Variants in MYSM1 observed in about 807,000 individuals in gnomAD.
MYSM1 encodes Myb like, SWIRM and MPN domains 1.
MYSM1 carries 51 observed loss-of-function variants against 116.0 expected under a neutral mutation model. That is an observed-to-expected ratio of 0.44 (90% confidence interval 0.35 to 0.56). The LOEUF (loss-of-function observed/expected upper bound fraction) is 0.56. MYSM1 is among the 20% of genes least tolerant of loss of function. The pLI is 0.00. For missense variants in MYSM1, 900 were observed against 974.9 expected (o/e 0.92, Z 1.02); for synonymous variants, 313 against 315.2 (o/e 0.99, Z 0.07).
chr1:58,692,220 C>G (rs1309112694), intron 3 of MYSM1, among the ~76,000 whole-genome samples: 1 of 152,136 alleles, frequency 6.6e-6, no homozygotes, highest in African/African-American at 2.4e-5. Context: ...CAGAGAAATT[C>G]TGGCTTAGTA....
intron 11 of MYSM1, among the ~76,000 whole-genome samples, chr1:58,673,212 CAT>C (rs10533497): frequency 0.18 from 27,810 of 152,104 alleles, 2,824 homozygotes; most frequent in South Asian, 0.28. Context: ...ATTTAGAACA[CAT>C]GTGTGTCTAA....
At chr1:58,663,144 C>A (rs572874983) in intron 17 of MYSM1, among the ~76,000 whole-genome samples, 1 of 152,080 alleles carries the variant, frequency 6.6e-6, no homozygotes, top group East Asian at 1.9e-4. Flanking sequence ...GGATCTGAAT[C>A]CAGTAGAGTG....
intron 2 of MYSM1, 148 bp downstream of exon 2, chr1:58,694,981 T>TA (rs901979179): frequency 2.7e-4 from 113 of 411,120 alleles, no homozygotes; most frequent in Middle Eastern, 1.4e-3. Flanking sequence ...ATTTTTAAAG[T>TA]AAAAAAAAAT....
intron 12 of MYSM1, among the ~76,000 whole-genome samples, chr1:58,669,696 C>G (rs1398961172): frequency 6.6e-6 from 1 of 151,700 alleles, no homozygotes; most frequent in Non-Finnish European, 1.5e-5. Flanking sequence ...AGCGTGGTGG[C>G]GTGTGCCTGT....
chr1:58,682,627 TAC>T, intron 7 of MYSM1, 82 bp from the exon 8 acceptor site: 2 of 1,279,356 alleles, frequency 1.6e-6, no homozygotes, highest in Non-Finnish European at 2.1e-6. Context: ...AGGATAAATA[TAC>T]AGTGTTATTA....
At chr1:58,669,857 A>AAAAC (rs1553135840) in intron 12 of MYSM1, among the ~76,000 whole-genome samples, 1,299 of 86,054 alleles carry the variant, frequency 0.015, 303 homozygotes, top group African/African-American at 0.027. Flanking sequence ...AAAAAAAAAA[A>AAAAC]AAAAACAAAA....
intron 12 of MYSM1, among the ~76,000 whole-genome samples, chr1:58,669,444 G>A (rs1180375133): frequency 6.6e-6 from 1 of 152,136 alleles, no homozygotes; most frequent in Non-Finnish European, 1.5e-5. Context: ...GCCCACTATA[G>A]AATAGGAACT....
chr1:58,667,902 G>A lies in MYSM1; in HGVS notation c.1787C>T (p.Ala596Val). 1 of 1,612,026 alleles carries A rather than the reference G, an allele frequency of 6.2e-7. No homozygotes were observed. The highest frequency in any genetic ancestry group is 8.5e-7 in the Non-Finnish European group (1 of 1,178,352). The change falls in exon 15 of 20, where the codon GCA (alanine) becomes GTA (valine). Residue 596 changes from alanine to valine, a missense_variant. By Grantham distance (64) the Ala-to-Val change is moderately conservative (BLOSUM62 0). This residue lies in a region of MYSM1 where 92 missense variants were observed against 155.0 expected (regional missense o/e 0.59). Transcript: ENST00000472487. ...IMDLHAHVSM[A>V]EVIGLLGGRY... ...TCCTCCTAACAGACCAATCACTTCTGCCATAGAAACATGAGCATGCTAAAA... is the reference window on the plus strand; with the variant it reads ...TCCTCCTAACAGACCAATCACTTCTACCATAGAAACATGAGCATGCTAAAA...
rs1644762939 is a variant in MYSM1 at position 58,682,590 on chromosome 1, A to C, written c.499-45T>G. 2.7e-6 allele frequency: 4 copies of C among 1,476,744 alleles called. No individual in the cohort carries two copies. In the African/African-American group the frequency reaches 5.7e-5, roughly 21 times the overall value. 91.5% of individuals were successfully genotyped at this position (1,476,744 alleles called of 1,614,324 possible). A position where few individuals can be genotyped will look rare whatever the true frequency, so the allele number is the denominator to read the frequency against. The stretch of plus-strand genomic sequence containing the variant: ...AAATCCCCATAATATTAAGATTTAA[A>C]AATTTAATCACTGGTACACACAAAA... On this transcript the variant is annotated intron_variant, in intron 7 of 19. Transcript: ENST00000472487.
At chr1:58,682,602 T>C (rs1644763159) in intron 7 of MYSM1, 57 bp from the exon 8 acceptor site, 5 of 1,423,532 alleles carry the variant, frequency 3.5e-6, no homozygotes, top group Admixed American at 2.6e-5. Context: ...ATTTAATCAC[T>C]GGTACACACA....
chr1:58,689,301 C>G (rs1644871384), intron 5 of MYSM1, 185 bp from the exon 6 acceptor site: 1 of 526,778 alleles, frequency 1.9e-6, no homozygotes, highest in Admixed American at 3.8e-5. Context: ...TACCCTGTCA[C>G]GTGTCTCTAG....
chr1:58,682,850 C>T (rs1438749288), intron 7 of MYSM1, among the ~76,000 whole-genome samples: 1 of 152,036 alleles, frequency 6.6e-6, no homozygotes, highest in Non-Finnish European at 1.5e-5. Flanking sequence ...CGCCTGCCAC[C>T]GTGCCCGGCT....
chr1:58,687,697 C>T (rs966202545), intron 6 of MYSM1, among the ~76,000 whole-genome samples: 2 of 152,152 alleles, frequency 1.3e-5, no homozygotes, highest in African/African-American at 4.8e-5. Flanking sequence ...GTCCAAAAAA[C>T]ACCTGAACAC....
At chr1:58,665,681 G>T in intron 16 of MYSM1, 50 bp from the exon 17 acceptor site, 1 of 1,255,086 alleles carries the variant, frequency 8.0e-7, no homozygotes, top group Non-Finnish European at 1.1e-6. Context: ...AAATTCAAAA[G>T]CCAATATTTA....
At position 58,681,861 on chromosome 1, in the gene MYSM1, G is replaced by T. The variant is rs753619199; in HGVS notation, c.1183C>A (p.Pro395Thr). The T allele has an allele frequency of 1.9e-6, 3 of 1,612,994 alleles. No individual in the cohort carries two copies. The South Asian group carries it at 3.3e-5, about 18-fold the overall frequency. The change falls in exon 8 of 20, where the codon CCT (proline) becomes ACT (threonine). Residue 395 changes from proline to threonine, a missense_variant. By Grantham distance (38) the Pro-to-Thr change is conservative. This residue lies in a region of MYSM1 where 622 missense variants were observed against 623.7 expected (regional missense o/e 1.00). Coordinates refer to ENST00000472487, the MANE Select transcript of MYSM1 (RefSeq NM_001085487.3). The part of the protein sequence containing the change: ...IIQEEEKQAI[P>T]EFFEGRQAKT... ...GCTTGGCGCCCCTCAAAAAACTCAG[G>T]AATTGCTTGTTTTTCTTCTTCTTGA...
intron 16 of MYSM1, 65 bp from the exon 17 acceptor site, chr1:58,665,696 T>C: frequency 1.8e-6 from 2 of 1,124,854 alleles, no homozygotes; most frequent in African/African-American, 1.6e-5. Context: ...TATTTATCCA[T>C]ACTAACATTT....
rs1478140543 is a variant in MYSM1 at position 58,675,592 on chromosome 1, C to G, written c.1391-12G>C. The G allele has an allele frequency of 1.2e-6, 2 of 1,601,456 alleles. No homozygotes were observed. The highest frequency in any genetic ancestry group is 3.4e-5 in the Admixed American group (2 of 59,628). ...ATACACAGCCTGTTCTATTGGAATT[C>G]AGGAAAGATAAAACCATCTATTATT... On this transcript the variant is annotated splice_polypyrimidine_tract_variant and intron_variant, in intron 9 of 19. Transcript: ENST00000472487.
In MYSM1 at chr1:58,673,649, C is replaced by T. The variant is rs199719141; in HGVS notation, c.1496G>A (p.Arg499His). Residue 499 changes from arginine to histidine, a missense_variant and splice_region_variant, in exon 11 of 20, where the codon CGT (arginine) becomes CAT (histidine). Arg to His is a conservative substitution (Grantham distance 29). Transcript: ENST00000472487. ...GTCTCGGACCCTACGTCTCCTTGTACGCTGCGATGAGATTAAAGTAAAGCA... is the reference window on the plus strand; with the variant it reads ...GTCTCGGACCCTACGTCTCCTTGTATGCTGCGATGAGATTAAAGTAAAGCA... ...YQLAQRLQSM[R>H]TRRRRVRDPW... is the part of the protein sequence containing the mutation. The T allele has an allele frequency of 1.3e-5, 21 of 1,613,530 alleles. No homozygotes were observed. The highest frequency in any genetic ancestry group is 5.0e-5 in the Admixed American group (3 of 60,000).
chr1:58,681,912 C>T lies in MYSM1; in HGVS notation c.1132G>A (p.Glu378Lys). ...ATGATATTTCTATCTATTTCTATTT[C>T]CTGTTCTGGTGGCTTAAGCTCTTCT... The part of the protein sequence containing the change: ...EEEELKPPEQ[E>K]IEIDRNIIQE... The change falls in exon 8 of 20, where the codon GAA becomes AAA. Residue 378 changes from glutamate (E) to lysine (K), a missense_variant. By Grantham distance (56) the Glu-to-Lys change is moderately conservative. Transcript: ENST00000472487. The T allele has an allele frequency of 1.2e-6, 2 of 1,613,952 alleles. No individual in the cohort carries two copies. The highest frequency in any genetic ancestry group is 1.7e-6 in the Non-Finnish European group (2 of 1,179,988).
Sources: gnomAD v4.1 joint callset for allele counts (sites outside exome capture counted in the v4.1 genomes callset) on GRCh38, gnomAD v4.1.1 for gene constraint, gnomAD v4.1.1 regional missense constraint, MANE v1.5 for transcripts, NCBI Gene and HGNC (gene_info 2026-07-23, HGNC 2026-07-21) for gene names.